ZC3H3: variants seen among roughly 807,000 people sequenced by gnomAD.
The protein encoded by ZC3H3 is zinc finger CCCH domain-containing protein 3.
A neutral mutation model predicts 77.3 loss-of-function variants in ZC3H3; 36 were observed. The observed-to-expected ratio is 0.47, with a 90% CI of 0.36 to 0.61. The LOEUF (loss-of-function observed/expected upper bound fraction) is 0.61. Among genes scored for constraint, ZC3H3 ranks in the 20% least tolerant of loss-of-function variants. ZC3H3 has a pLI of 0.00. For missense variants in ZC3H3, 1,331 were observed against 1,312.2 expected (o/e 1.01, Z -0.22); for synonymous variants, 626 against 555.2 (o/e 1.13, Z -1.79).
Position 143,531,630 on chromosome 8 carries a change from CCTAA to C in ZC3H3, c.1561+4623_1561+4626del, listed in dbSNP as rs3058440. On this transcript the variant is annotated intron_variant, in intron 3 of 11. Coordinates refer to ENST00000262577, the MANE Select transcript of ZC3H3 (RefSeq NM_015117.3). ...CTTTACACCTCCAGGCTCATTATTC[CCTAA>C]CTGTTTCCTCCTGTTTATGCCTCTC... Among the ~76,000 whole-genome samples the C allele has an allele frequency of 8.5e-3, 1,298 of 152,316 alleles. 9 individuals carry two copies. The highest frequency in any genetic ancestry group is 0.029 in the African/African-American group (1,219 of 41,568).
chr8:143,516,568 TACACACACA>T (rs1563873798), intron 3 of ZC3H3, among the ~76,000 whole-genome samples: 43 of 49,538 alleles, frequency 8.7e-4, no homozygotes, highest in African/African-American at 3.3e-3. Flanking sequence ...CACACACACA[TACACACACA>T]CACTCACTCT....
intron 2 of ZC3H3, among the ~76,000 whole-genome samples, chr8:143,537,031 A>G (rs1409567417): frequency 2.0e-5 from 3 of 151,974 alleles, no homozygotes; most frequent in Admixed American, 2.0e-4. Context: ...AGAATGAGCT[A>G]CACGAGCCAG....
intron 4 of ZC3H3, among the ~76,000 whole-genome samples, chr8:143,485,211 A>G (rs575063685): frequency 9.2e-5 from 14 of 152,358 alleles, no homozygotes; most frequent in African/African-American, 2.2e-4. Flanking sequence ...AGGCGGGGCC[A>G]GGGATCTGAA....
intron 4 of ZC3H3, chr8:143,485,047 C>A: frequency 3.6e-6 from 1 of 279,488 alleles, no homozygotes; most frequent in Non-Finnish European, 7.3e-6. Context: ...CAAAGCCCTG[C>A]AAGACAGTGG....
intron 9 of ZC3H3, among the ~76,000 whole-genome samples, chr8:143,463,498 G>A (rs1174595505): frequency 6.6e-6 from 1 of 152,216 alleles, no homozygotes; most frequent in African/African-American, 2.4e-5. Flanking sequence ...CGAGCGGTGA[G>A]CACGGAGGAG....
At chr8:143,464,044 AG>A (rs1178921277) in intron 9 of ZC3H3, among the ~76,000 whole-genome samples, 5 of 152,260 alleles carry the variant, frequency 3.3e-5, no homozygotes, top group Non-Finnish European at 7.3e-5. Flanking sequence ...CTTCTACTTC[AG>A]GCGCAAGGTG....
intron 9 of ZC3H3, among the ~76,000 whole-genome samples, chr8:143,446,648 C>T (rs887950947): frequency 6.6e-6 from 1 of 152,214 alleles, no homozygotes; most frequent in African/African-American, 2.4e-5. Context: ...GCTTTTAATC[C>T]TTCTAATGGT....
chr8:143,513,462 G>A (rs1047467438), intron 3 of ZC3H3, among the ~76,000 whole-genome samples: 2 of 152,172 alleles, frequency 1.3e-5, no homozygotes, highest in Admixed American at 6.5e-5. Context: ...CAGGCCCCAC[G>A]CTGGAGACTC....
At chr8:143,491,313 T>C (rs372543012) in intron 4 of ZC3H3, among the ~76,000 whole-genome samples, 2 of 152,232 alleles carry the variant, frequency 1.3e-5, no homozygotes, top group African/African-American at 4.8e-5. Flanking sequence ...CTGCAGCCTG[T>C]CCCTGCGATG....
chr8:143,533,063 A>G lies in ZC3H3; in HGVS notation c.1561+3194T>C. ...GACTCTGCCCACTCGGGCCTGCCAG[A>G]CACCCCGGGGCCCTGGACACGCCCC... On this transcript the variant is annotated intron_variant, in intron 3 of 11. Transcript: ENST00000262577. This position sits in a 1 kb window ranked among gnomAD's most constrained non-coding sequence, Gnocchi z 4.0. Among the ~76,000 whole-genome samples, 1 of 151,824 alleles carries G rather than the reference A, an allele frequency of 6.6e-6. No individual in the cohort carries two copies. Among genetic ancestry groups the G allele is most frequent in the Non-Finnish European group, 1.5e-5 (1 of 67,946 alleles).
At chr8:143,445,523 A>G (rs1455397666) in intron 9 of ZC3H3, among the ~76,000 whole-genome samples, 1 of 152,090 alleles carries the variant, frequency 6.6e-6, no homozygotes, top group African/African-American at 2.4e-5. Flanking sequence ...TGTTTCTACA[A>G]AAGATTAAAA....
At chr8:143,472,673 C>G (rs1820603556) in intron 5 of ZC3H3, among the ~76,000 whole-genome samples, 1 of 152,230 alleles carries the variant, frequency 6.6e-6, no homozygotes, top group Non-Finnish European at 1.5e-5. Flanking sequence ...CACCTCCCCA[C>G]ACAGGCCCAC....
At position 143,461,638 on chromosome 8, in the gene ZC3H3, A is replaced by G. The variant is rs572502187; in HGVS notation, c.2307+4079T>C. 4.6e-5 allele frequency among the ~76,000 whole-genome samples: 7 copies of G among 152,334 alleles called. No homozygotes were observed. The East Asian group carries it at 1.3e-3, about 29-fold the overall frequency. ...CAAAGAAAGTGTGGAGAGCCTCTGC[A>G]GCGGCTTGACTCTGTAATAAAAACG... On this transcript the variant is annotated intron_variant, in intron 9 of 11. Coordinates refer to ENST00000262577, the MANE Select transcript of ZC3H3 (RefSeq NM_015117.3).
chr8:143,504,701 C>T (rs1394278046), intron 4 of ZC3H3, among the ~76,000 whole-genome samples: 4 of 152,174 alleles, frequency 2.6e-5, no homozygotes, highest in South Asian at 4.1e-4. Context: ...TCATGTGCAT[C>T]CTGGGGCAGG....
chr8:143,490,514 G>C (rs943601001), intron 4 of ZC3H3, among the ~76,000 whole-genome samples: 1 of 152,260 alleles, frequency 6.6e-6, no homozygotes, highest in Non-Finnish European at 1.5e-5. Flanking sequence ...AAGGTAGGCA[G>C]ATGTGCCACC....
At chr8:143,536,474 C>T in intron 2 of ZC3H3, 21 bp from the exon 3 acceptor site, 1 of 1,475,212 alleles carries the variant, frequency 6.8e-7, no homozygotes, top group Non-Finnish European at 9.0e-7. Context: ...AAAATACAGG[C>T]AGCTCTCAAC....
At chr8:143,516,502 C>G (rs887200364) in intron 3 of ZC3H3, among the ~76,000 whole-genome samples, 3 of 150,352 alleles carry the variant, frequency 2.0e-5, no homozygotes, top group African/African-American at 7.3e-5. Flanking sequence ...AAAGCCTCGT[C>G]AGCGCGAAAG....
intron 1 of ZC3H3, among the ~76,000 whole-genome samples, chr8:143,540,785 G>A (rs532135583): frequency 1.6e-4 from 25 of 152,164 alleles, no homozygotes; most frequent in African/African-American, 5.5e-4. Context: ...GTGAAACCCC[G>A]TCTCTACTCA....
At chr8:143,507,953 G>A in intron 3 of ZC3H3, 54 bp from the exon 4 acceptor site, 1 of 1,490,408 alleles carries the variant, frequency 6.7e-7, no homozygotes, top group Non-Finnish European at 9.0e-7. Flanking sequence ...GGCAAGGGTA[G>A]GGTCAGAGAG....
Sources: allele counts gnomAD v4.1 joint callset (sites outside exome capture counted in the v4.1 genomes callset), GRCh38; gene constraint gnomAD v4.1.1; non-coding constraint Gnocchi (gnomAD v3.1); transcripts MANE v1.5; gene names NCBI Gene and HGNC (gene_info 2026-07-23, HGNC 2026-07-21).